NEDD4: variants seen among roughly 807,000 people sequenced by gnomAD.
NEDD4 encodes NEDD4 E3 ubiquitin protein ligase, also known as E3 ubiquitin-protein ligase NEDD4.
Under a neutral mutation model 144.9 loss-of-function variants are expected in NEDD4, and 99 were observed. The observed-to-expected ratio is 0.68, with a 90% CI of 0.58 to 0.81. The LOEUF (loss-of-function observed/expected upper bound fraction) is 0.81. Among genes scored for constraint, NEDD4 ranks in the 30% least tolerant of loss-of-function variants. The probability of loss-of-function intolerance (pLI) is 0.00; values close to 1 mark genes in which losing one functional copy is unlikely to be tolerated. For synonymous variants in NEDD4, 318 were observed against 350.6 expected (o/e 0.91, Z 1.04); for missense variants, 985 against 1,065.9 (o/e 0.92, Z 1.06).
At chr15:55,986,884 C>T (rs999683729) in intron 1 of NEDD4, among the ~76,000 whole-genome samples, 12 of 152,094 alleles carry the variant, frequency 7.9e-5, no homozygotes, top group East Asian at 1.9e-4. Context: ...CGTGAGCCAC[C>T]GCGCCCGGCC....
Position 55,904,858 on chromosome 15 carries a change from C to T in NEDD4, c.291+19788G>A, listed in dbSNP as rs777859160. Among the ~76,000 whole-genome samples, 5 of 151,780 alleles carry T rather than the reference C, an allele frequency of 3.3e-5. No homozygotes were observed. In the East Asian group the frequency reaches 5.8e-4, roughly 18 times the overall value. ...ATGTAATCCCAGCACTTTGGGAGGC[C>T]GAGGTGGGTGGATCACCTGAGGTTG... On this transcript the variant is annotated intron_variant, in intron 5 of 28. Transcript: ENST00000435532.
At chr15:55,891,476 C>A (rs2035570010) in intron 5 of NEDD4, among the ~76,000 whole-genome samples, 2 of 152,180 alleles carry the variant, frequency 1.3e-5, no homozygotes, top group African/African-American at 4.8e-5. Context: ...ATTTCCCTAG[C>A]CAACCAATTG....
At chr15:55,914,498 G>A (rs961892046) in intron 5 of NEDD4, among the ~76,000 whole-genome samples, 2 of 151,772 alleles carry the variant, frequency 1.3e-5, no homozygotes, top group African/African-American at 4.8e-5. Flanking sequence ...AAATGAAAAG[G>A]TAAATAGAAA....
intron 5 of NEDD4, among the ~76,000 whole-genome samples, chr15:55,910,743 T>G (rs1433503553): frequency 6.6e-6 from 1 of 152,124 alleles, no homozygotes; most frequent in African/African-American, 2.4e-5. Flanking sequence ...TCATACATGA[T>G]TTCTTCTTCA....
At chr15:55,891,291 G>T (rs2035564468) in intron 5 of NEDD4, among the ~76,000 whole-genome samples, 1 of 152,148 alleles carries the variant, frequency 6.6e-6, no homozygotes, top group African/African-American at 2.4e-5. Context: ...AAGTCAATAT[G>T]CATAGTCTCA....
At chr15:55,881,346 G>A (rs747688279) in intron 5 of NEDD4, among the ~76,000 whole-genome samples, 6 of 151,914 alleles carry the variant, frequency 3.9e-5, no homozygotes, top group Admixed American at 1.3e-4. Flanking sequence ...TCACCATGTT[G>A]GCCAGGCTGG....
intron 4 of NEDD4, among the ~76,000 whole-genome samples, chr15:55,946,598 T>G (rs1281457350): frequency 6.6e-6 from 1 of 152,054 alleles, no homozygotes; most frequent in Non-Finnish European, 1.5e-5. Context: ...GACAGATCAA[T>G]GAGACAGAAA....
chr15:55,849,546 G>A (rs2033894671), intron 14 of NEDD4, among the ~76,000 whole-genome samples: 1 of 152,084 alleles, frequency 6.6e-6, no homozygotes, highest in Non-Finnish European at 1.5e-5. Context: ...CCCAGAACAT[G>A]CATTTTGCCA....
chr15:55,944,925 T>C (rs1269606217), intron 4 of NEDD4, among the ~76,000 whole-genome samples: 3 of 151,938 alleles, frequency 2.0e-5, no homozygotes, highest in Non-Finnish European at 4.4e-5. Flanking sequence ...GGGAACTGAG[T>C]GTTAGACGGA....
At chr15:55,883,726 C>T (rs1205551728) in intron 5 of NEDD4, among the ~76,000 whole-genome samples, 1 of 140,934 alleles carries the variant, frequency 7.1e-6, no homozygotes, top group Non-Finnish European at 1.6e-5. Flanking sequence ...CACACACACA[C>T]AGAAAGAGAA....
At chr15:55,933,563 A>G (rs2036825290) in intron 4 of NEDD4, among the ~76,000 whole-genome samples, 1 of 150,576 alleles carries the variant, frequency 6.6e-6, no homozygotes, top group Non-Finnish European at 1.5e-5. Context: ...GAGGGATAGC[A>G]TTAGGAGATG....
chr15:55,844,837 C>T (rs1478878363), intron 18 of NEDD4, among the ~76,000 whole-genome samples: 23 of 145,800 alleles, frequency 1.6e-4, no homozygotes, highest in African/African-American at 5.3e-4. Context: ...AGACAGAGTA[C>T]TGCTCTGTCA....
At chr15:55,993,379 C>T in intron 1 of NEDD4, 132 bp downstream of exon 1, 2 of 1,179,948 alleles carry the variant, frequency 1.7e-6, no homozygotes, top group East Asian at 3.0e-5. Context: ...CTCGCGCGCT[C>T]CCCAGGCTCG....
intron 5 of NEDD4, among the ~76,000 whole-genome samples, chr15:55,920,995 G>A (rs529638661): frequency 1.2e-4 from 18 of 152,210 alleles, no homozygotes; most frequent in Non-Finnish European, 2.5e-4. Flanking sequence ...ATCTAACACA[G>A]TAGATATACT....
At chr15:55,887,039 A>G (rs1259517643) in intron 5 of NEDD4, among the ~76,000 whole-genome samples, 1 of 151,936 alleles carries the variant, frequency 6.6e-6, no homozygotes, top group Admixed American at 6.6e-5. Flanking sequence ...CTACATCAAA[A>G]AAGAAAAAAA....
At chr15:55,949,203 C>T (rs2037183364) in intron 4 of NEDD4, among the ~76,000 whole-genome samples, 1 of 152,152 alleles carries the variant, frequency 6.6e-6, no homozygotes, top group South Asian at 2.1e-4. Flanking sequence ...TGTAAAAATG[C>T]TCATCATCAC....
chr15:55,986,904 CCTT>C (rs750596034), intron 1 of NEDD4, among the ~76,000 whole-genome samples: 19 of 152,236 alleles, frequency 1.2e-4, no homozygotes, highest in Non-Finnish European at 2.1e-4. Flanking sequence ...CAAGGCCTGT[CCTT>C]CTTAAAACTG....
intron 14 of NEDD4, among the ~76,000 whole-genome samples, 195 bp downstream of exon 14, chr15:55,850,347 A>AAAT (rs1566909059): frequency 1.3e-5 from 2 of 152,228 alleles, no homozygotes; most frequent in Admixed American, 6.5e-5. Context: ...TATCTCCATC[A>AAAT]TAATCCAAAA....
chr15:55,886,624 C>T (rs1354445249), intron 5 of NEDD4, among the ~76,000 whole-genome samples: 10 of 151,722 alleles, frequency 6.6e-5, no homozygotes, highest in Non-Finnish European at 8.8e-5. Context: ...ATTAGCAGAG[C>T]GTGCTGGTCT....
Sources: allele counts gnomAD v4.1 joint callset (sites outside exome capture counted in the v4.1 genomes callset), GRCh38; gene constraint gnomAD v4.1.1; transcripts MANE v1.5; gene names NCBI Gene and HGNC (gene_info 2026-07-23, HGNC 2026-07-21).